Variants in ZNF703 observed in about 807,000 individuals in gnomAD.
ZNF703 encodes zinc finger protein 703, also known as NocA-like zinc finger 1.
ZNF703 carries 18 observed loss-of-function variants against 30.7 expected under a neutral mutation model. The observed-to-expected ratio is 0.59, with a 90% confidence interval of 0.40 to 0.87. ZNF703 has a LOEUF of 0.87. ZNF703 is among the 40% of genes least tolerant of loss of function. The pLI is 0.00. For missense variants in ZNF703, 814 were observed against 847.8 expected (o/e 0.96, Z 0.50); for synonymous variants, 457 against 438.6 (o/e 1.04, Z -0.52).
rs536117174 is a variant in ZNF703, at chr8:37,696,909, C to A, written c.244-236C>A. Among the ~76,000 whole-genome samples the A allele has an allele frequency of 3.9e-5, 6 of 152,336 alleles. No individual in the cohort carries two copies. In the South Asian group the frequency reaches 1.2e-3, roughly 32 times the overall value. On this transcript the variant is annotated intron_variant, in intron 1 of 1. Coordinates refer to ENST00000331569, the MANE Select transcript of ZNF703 (RefSeq NM_025069.3). The surrounding 1 kb of genome is among the most constrained non-coding windows in gnomAD (Gnocchi z 8.2). ...CGACTCCAGAGACGTCACCTTCTCC[C>A]GCAGGGGTCCTGGGTGAACTCCTTC...
Position 37,698,421 on chromosome 8 carries a change from C to A in ZNF703, c.1520C>A (p.Ala507Asp). The change falls in exon 2 of 2, where the codon GCC becomes GAC. Residue 507 changes from alanine (A) to aspartate (D), a missense_variant. Coordinates refer to ENST00000331569, the MANE Select transcript of ZNF703 (RefSeq NM_025069.3). Reference protein sequence around the residue: ...YPGASGLGSAAAAAAAAASCH... With the variant: ...YPGASGLGSADAAAAAAASCH... ...GGGGCCTCGGGCCTGGGCAGCGCCG[C>A]CGCCGCCGCCGCCGCCGCCGCCTCC... 6.8e-7 allele frequency: 1 copy of A among 1,468,268 alleles called. No homozygotes were observed. The highest frequency in any genetic ancestry group is 1.4e-5 in the South Asian group (1 of 73,994). The allele number at this position is 1,468,268 out of a possible 1,614,324, so 91.0% of individuals were successfully genotyped here.
intron 1 of ZNF703, 92 bp from the exon 2 acceptor site, chr8:37,697,053 G>A (rs980546899): frequency 7.4e-7 from 1 of 1,358,262 alleles, no homozygotes; most frequent in Non-Finnish European, 9.5e-7. Context: ...CCGCCCCGTG[G>A]CGCCGCCGCC....
rs551108251 is a variant in ZNF703, at chr8:37,697,962, C to T, written c.1061C>T (p.Pro354Leu). The T allele has an allele frequency of 7.1e-6, 11 of 1,555,700 alleles. No individual in the cohort carries two copies. Among genetic ancestry groups the T allele is most frequent in the Admixed American group, 1.9e-5 (1 of 53,818 alleles). Reference sequence around the variant, plus strand: ...CTGTCTGGGGGCCTGGGCCTGCCGCCGGGCAAGCCCCCCAGCTCCAGCCCG... The same window carrying T: ...CTGTCTGGGGGCCTGGGCCTGCCGCTGGGCAAGCCCCCCAGCTCCAGCCCG... The part of the protein sequence containing the change: ...GQLSGGLGLP[P>L]GKPPSSSPLT... Residue 354 changes from proline (P) to leucine (L), a missense_variant, in exon 2 of 2, where the codon CCG becomes CTG. Physicochemically the swap from Pro to Leu is moderately conservative, Grantham distance 98. Transcript: ENST00000331569.
At position 37,696,099 on chromosome 8, in the gene ZNF703, C is replaced by A. The variant is rs1405936724; in HGVS notation, c.120C>A (p.Asp40Glu). ...PAAVSLLPPA[D>E]PLRQANRLPI... ...CGGTGTCCCTCTTGCCACCGGCGGA[C>A]CCCCTGCGCCAGGCGAACCGGCTCC... Residue 40 changes from aspartate (D) to glutamate (E), a missense_variant, in exon 1 of 2, where the codon GAC becomes GAA. Asp to Glu is a conservative substitution (Grantham distance 45). Transcript: ENST00000331569. This position sits in a 1 kb window ranked among gnomAD's most constrained non-coding sequence, Gnocchi z 8.2. 8 of 1,596,994 alleles carry A rather than the reference C, an allele frequency of 5.0e-6. No homozygotes were observed. The highest frequency in any genetic ancestry group is 6.8e-6 in the Non-Finnish European group (8 of 1,172,320).
Position 37,697,781 on chromosome 8 carries a change from G to A in ZNF703, c.880G>A (p.Ala294Thr), listed in dbSNP as rs1260665703. ...PSALVGAGHV[A>T]PVSPYKPGHS... is the part of the protein sequence containing the mutation. ...GGCGCTGGTGGGGGCCGGCCACGTG[G>A]CGCCGGTGTCTCCCTACAAGCCGGG... The change falls in exon 2 of 2, where the codon GCG becomes ACG. Residue 294 changes from alanine to threonine, a missense_variant. Ala to Thr is a moderately conservative substitution (Grantham distance 58). Transcript: ENST00000331569. 6.6e-7 allele frequency: 1 copy of A among 1,511,160 alleles called. No individual in the cohort carries two copies. The highest frequency in any genetic ancestry group is 8.8e-7 in the Non-Finnish European group (1 of 1,135,286). The allele number at this position is 1,511,160 out of a possible 1,614,324, so 93.6% of individuals were successfully genotyped here. A position where few individuals can be genotyped will look rare whatever the true frequency, so the allele number is the denominator to read the frequency against.
rs749150981 is a variant in ZNF703 at position 37,697,384 on chromosome 8, C to T, written c.483C>T (p.Ser161=). 5.1e-6 allele frequency: 8 copies of T among 1,553,830 alleles called. No individual in the cohort carries two copies. In the South Asian group the frequency reaches 8.3e-5, roughly 16 times the overall value. The change falls in exon 2 of 2, where the codon TCC becomes TCT. Residue 161 remains serine, a synonymous_variant. Coordinates refer to ENST00000331569, the MANE Select transcript of ZNF703 (RefSeq NM_025069.3). The part of the protein sequence containing the change: ...KSSFKPYSKG[S]GGGDSRKDSG... The stretch of plus-strand genomic sequence containing the variant: ...GCTTCAAGCCCTACTCCAAGGGCTC[C>T]GGCGGCGGCGACTCCCGCAAAGACA...
chr8:37,698,586 C>A lies in ZNF703; in HGVS notation c.1685C>A (p.Pro562Gln), dbSNP rs1395606636. 4 of 1,565,300 alleles carry A rather than the reference C, an allele frequency of 2.6e-6. No homozygotes were observed. The highest frequency in any genetic ancestry group is 1.9e-5 in the Admixed American group (1 of 52,656). The change falls in exon 2 of 2, where the codon CCG becomes CAG. Residue 562 changes from proline (P) to glutamine (Q), a missense_variant. Transcript: ENST00000331569. ...TCCACAGCGGGGGGCCTGGCCGTGC[C>A]GTCCCTCCCCACAGCCGGACCCTAC... Reference protein sequence around the residue: ...HLSTAGGLAVPSLPTAGPYYS... With the variant: ...HLSTAGGLAVQSLPTAGPYYS...
rs531042042 is a variant in ZNF703, at chr8:37,696,417, T to A, written c.243+195T>A. ...TTCCCCAGGCTTCCCCGTGGAAGGG[T>A]CTCCTTCCACGCTCGCCCTTCGGAG... is the stretch of plus-strand genomic sequence containing the variant. On this transcript the variant is annotated intron_variant, in intron 1 of 1. Transcript: ENST00000331569. This position sits in a 1 kb window ranked among gnomAD's most constrained non-coding sequence, Gnocchi z 8.2. Among the ~76,000 whole-genome samples, 246 of 151,758 alleles carry A rather than the reference T, an allele frequency of 1.6e-3. No homozygotes were observed. The highest frequency in any genetic ancestry group is 5.7e-3 in the African/African-American group (236 of 41,400).
chr8:37,695,940 C>T lies in ZNF703; in HGVS notation c.-40C>T. On this transcript the variant is annotated 5_prime_UTR_variant, in exon 1 of 2. Transcript: ENST00000331569. Reference sequence around the variant, plus strand: ...CGGGAGCTCGCCTCCCCGGTGCTCCCCCGCCCTCCCCGCCCCCCCAGCGGC... The same window carrying T: ...CGGGAGCTCGCCTCCCCGGTGCTCCTCCGCCCTCCCCGCCCCCCCAGCGGC... The T allele has an allele frequency of 6.9e-7, 1 of 1,442,364 alleles. No homozygotes were observed. Among genetic ancestry groups the T allele is most frequent in the South Asian group, 1.4e-5 (1 of 70,444 alleles). The allele number at this position is 1,442,364 out of a possible 1,614,324, so 89.3% of individuals were successfully genotyped here.
Position 37,696,267 on chromosome 8 carries a change from C to A in ZNF703, c.243+45C>A. The A allele has an allele frequency of 6.5e-7, 1 of 1,533,890 alleles. No individual in the cohort carries two copies. Among genetic ancestry groups the A allele is most frequent in the East Asian group, 2.5e-5 (1 of 39,870 alleles). On this transcript the variant is annotated intron_variant, in intron 1 of 1. Transcript: ENST00000331569. The surrounding 1 kb of genome is among the most constrained non-coding windows in gnomAD (Gnocchi z 8.2). ...CCCCGGGCGCCGGCCCCATTCCTCC[C>A]ACCGCGACCGGGACCCTGACCCAGC... is the stretch of plus-strand genomic sequence containing the variant.
In ZNF703 at chr8:37,696,124, C is replaced by T. The variant is rs1204218341; in HGVS notation, c.145C>T (p.Pro49Ser). The T allele has an allele frequency of 1.2e-6, 2 of 1,610,540 alleles. No homozygotes were observed. Among genetic ancestry groups the T allele is most frequent in the East Asian group, 2.2e-5 (1 of 44,742 alleles). The stretch of plus-strand genomic sequence containing the variant: ...CCCCCTGCGCCAGGCGAACCGGCTC[C>T]CGATCAGGGTCCTGAAGATGCTGAG... ...ADPLRQANRL[P>S]IRVLKMLSAH... The change falls in exon 1 of 2, where the codon CCG (proline) becomes TCG (serine). Residue 49 changes from proline (P) to serine (S), a missense_variant. By Grantham distance (74) the Pro-to-Ser change is moderately conservative. Coordinates refer to ENST00000331569, the MANE Select transcript of ZNF703 (RefSeq NM_025069.3). This position sits in a 1 kb window ranked among gnomAD's most constrained non-coding sequence, Gnocchi z 8.2.
In ZNF703 at chr8:37,698,750, G is replaced by A. The variant is rs1585877315; in HGVS notation, c.*76G>A. 4 of 1,228,954 alleles carry A rather than the reference G, an allele frequency of 3.3e-6. No homozygotes were observed. Among genetic ancestry groups the A allele is most frequent in the East Asian group, 3.2e-5 (1 of 31,200 alleles). The allele number at this position is 1,228,954 out of a possible 1,614,324, so 76.1% of individuals were successfully genotyped here. ...TCCTCCCTCCCCACCTGCCGTCGCC[G>A]CTGCAACCTCCACTACTGCTTGACC... On this transcript the variant is annotated 3_prime_UTR_variant, in exon 2 of 2. Transcript: ENST00000331569.
Position 37,696,304 on chromosome 8 carries a change from C to T in ZNF703, c.243+82C>T, listed in dbSNP as rs887951327. 2.0e-6 allele frequency: 3 copies of T among 1,471,832 alleles called. No individual in the cohort carries two copies. Among genetic ancestry groups the T allele is most frequent in the African/African-American group, 2.9e-5 (2 of 68,722 alleles). The allele number at this position is 1,471,832 out of a possible 1,614,324, so 91.2% of individuals were successfully genotyped here. ...GACCCTGACCCAGCTCCCAGCGCCC[C>T]GGGGCTCGGTGCGACACCCAAGTCT... On this transcript the variant is annotated intron_variant, in intron 1 of 1. Coordinates refer to ENST00000331569, the MANE Select transcript of ZNF703 (RefSeq NM_025069.3). This position sits in a 1 kb window ranked among gnomAD's most constrained non-coding sequence, Gnocchi z 8.2.
chr8:37,695,937 T>TCCCCCC lies in ZNF703; in HGVS notation c.-38_-37insCCCCCC. The TCCCCCC allele has an allele frequency of 6.2e-5, 86 of 1,376,592 alleles. No individual in the cohort carries two copies. Among genetic ancestry groups the TCCCCCC allele is most frequent in the Non-Finnish European group, 7.7e-5 (81 of 1,045,336 alleles). The allele number at this position is 1,376,592 out of a possible 1,614,324, so 85.3% of individuals were successfully genotyped here. On this transcript the variant is annotated 5_prime_UTR_variant, in exon 1 of 2. Transcript: ENST00000331569. ...CCCCGGGAGCTCGCCTCCCCGGTGC[T>TCCCCCC]CCCCCGCCCTCCCCGCCCCCCCAGC...
chr8:37,698,192 A>T lies in ZNF703; in HGVS notation c.1291A>T (p.Ser431Cys), dbSNP rs1344773371. The T allele has an allele frequency of 1.3e-6, 2 of 1,525,800 alleles. No homozygotes were observed. The highest frequency in any genetic ancestry group is 1.8e-6 in the Non-Finnish European group (2 of 1,142,260). 94.5% of individuals were successfully genotyped at this position (1,525,800 alleles called of 1,614,324 possible). The change falls in exon 2 of 2, where the codon AGC becomes TGC. Residue 431 changes from serine (S) to cysteine (C), a missense_variant. Physicochemically the swap from Ser to Cys is moderately radical, Grantham distance 112. Coordinates refer to ENST00000331569, the MANE Select transcript of ZNF703 (RefSeq NM_025069.3). ...HPLQPAALSS[S>C]AAQAALPGHP... ...GCTGCAGCCCGCCGCGCTCTCGTCCAGCGCCGCCCAGGCCGCGCTCCCCGG... is the reference window on the plus strand; with the variant it reads ...GCTGCAGCCCGCCGCGCTCTCGTCCTGCGCCGCCCAGGCCGCGCTCCCCGG...
chr8:37,696,101 C>T lies in ZNF703; in HGVS notation c.122C>T (p.Pro41Leu). The change falls in exon 1 of 2, where the codon CCC becomes CTC. Residue 41 changes from proline (P) to leucine (L), a missense_variant. Coordinates refer to ENST00000331569, the MANE Select transcript of ZNF703 (RefSeq NM_025069.3). The surrounding 1 kb of genome is among the most constrained non-coding windows in gnomAD (Gnocchi z 8.2). ...AAVSLLPPAD[P>L]LRQANRLPIR... ...GTGTCCCTCTTGCCACCGGCGGACC[C>T]CCTGCGCCAGGCGAACCGGCTCCCG... 3 of 1,599,816 alleles carry T rather than the reference C, an allele frequency of 1.9e-6. No individual in the cohort carries two copies. Among genetic ancestry groups the T allele is most frequent in the Non-Finnish European group, 2.6e-6 (3 of 1,173,794 alleles).
Position 37,697,284 on chromosome 8 carries a change from G to C in ZNF703, c.383G>C (p.Arg128Pro), listed in dbSNP as rs1024549984. 1 of 1,567,170 alleles carries C rather than the reference G, an allele frequency of 6.4e-7. No homozygotes were observed. The highest frequency in any genetic ancestry group is 1.9e-5 in the Admixed American group (1 of 53,690). Residue 128 changes from arginine (R) to proline (P), a missense_variant, in exon 2 of 2, where the codon CGC becomes CCC. Arg to Pro is a moderately radical substitution (Grantham distance 103). Coordinates refer to ENST00000331569, the MANE Select transcript of ZNF703 (RefSeq NM_025069.3). The part of the protein sequence containing the change: ...NGLGAEKDPG[R>P]SAPGAASAAA... ...CTGGGAGCGGAGAAGGACCCCGGCC[G>C]CTCAGCCCCGGGCGCCGCCTCCGCA...
At position 37,698,320 on chromosome 8, in the gene ZNF703, C is replaced by T. The variant is rs1203149910; in HGVS notation, c.1419C>T (p.Thr473=). 6.5e-7 allele frequency: 1 copy of T among 1,541,058 alleles called. No individual in the cohort carries two copies. Among genetic ancestry groups the T allele is most frequent in the East Asian group, 2.5e-5 (1 of 40,244 alleles). ...GGCCGTGCGACAAGCGCTTCGCCAC[C>T]TCGGAGGAGCTGCTCAGCCACCTAC... The part of the protein sequence containing the change: ...ASGPCDKRFA[T]SEELLSHLRT... The change falls in exon 2 of 2, where the codon ACC becomes ACT. Residue 473 remains threonine (T), a synonymous_variant. Coordinates refer to ENST00000331569, the MANE Select transcript of ZNF703 (RefSeq NM_025069.3).
In ZNF703 at chr8:37,698,746, C is replaced by G; in HGVS notation, c.*72C>G. 1 of 1,309,008 alleles carries G rather than the reference C, an allele frequency of 7.6e-7. No individual in the cohort carries two copies. Among genetic ancestry groups the G allele is most frequent in the Non-Finnish European group, 9.9e-7 (1 of 1,014,756 alleles). 81.1% of individuals were successfully genotyped at this position (1,309,008 alleles called of 1,614,324 possible). On this transcript the variant is annotated 3_prime_UTR_variant, in exon 2 of 2. Transcript: ENST00000331569. ...CTCCTCCTCCCTCCCCACCTGCCGT[C>G]GCCGCTGCAACCTCCACTACTGCTT...
Sources: allele counts gnomAD v4.1 joint callset (sites outside exome capture counted in the v4.1 genomes callset), GRCh38; gene constraint gnomAD v4.1.1; non-coding constraint Gnocchi (gnomAD v3.1); transcripts MANE v1.5; gene names NCBI Gene and HGNC (gene_info 2026-07-23, HGNC 2026-07-21).